The following FRY variants were observed in gnomAD, a reference collection of about 807,000 sequenced individuals.
FRY encodes the protein protein furry homolog.
A neutral mutation model predicts 348.4 loss-of-function variants in FRY; 128 were observed. The ratio of observed to expected loss-of-function variants is 0.37; its 90% CI spans 0.32 to 0.43. The LOEUF (loss-of-function observed/expected upper bound fraction) is 0.43. Ranked by LOEUF, FRY falls within the 20% of genes least tolerant of loss-of-function variation. The probability of loss-of-function intolerance (pLI) is 1.00; values close to 1 mark genes in which losing one functional copy is unlikely to be tolerated. For missense variants in FRY, 2,736 were observed against 3,695.2 expected (o/e 0.74, Z 6.73); for synonymous variants, 1,370 against 1,374.7 (o/e 1.00, Z 0.08).
chr13:32,129,241 CT>C (rs1190092821), intron 7 of FRY, among the ~76,000 whole-genome samples: 1 of 151,998 alleles, frequency 6.6e-6, no homozygotes, highest in Non-Finnish European at 1.5e-5. Context: ...AGTTAATTAC[CT>C]TTTTATAAGC....
chr13:32,250,430 C>T (rs1195121530), intron 49 of FRY, among the ~76,000 whole-genome samples: 7 of 152,216 alleles, frequency 4.6e-5, no homozygotes, highest in Non-Finnish European at 1.0e-4. Context: ...ACCTTCCCTT[C>T]CCAACATCTT....
chr13:32,213,908 A>G (rs1884826643), intron 35 of FRY, among the ~76,000 whole-genome samples: 1 of 152,222 alleles, frequency 6.6e-6, no homozygotes, highest in South Asian at 2.1e-4. Flanking sequence ...TTTCTTGTTT[A>G]GCTCTTACTC....
chr13:32,217,338 C>T (rs1885054568), intron 35 of FRY, among the ~76,000 whole-genome samples: 2 of 151,994 alleles, frequency 1.3e-5, no homozygotes, highest in Admixed American at 1.3e-4. Context: ...CCACACTGCC[C>T]CTGAACCACA....
intron 1 of FRY, among the ~76,000 whole-genome samples, chr13:32,034,051 T>C (rs972047066): frequency 3.3e-5 from 5 of 152,230 alleles, no homozygotes; most frequent in African/African-American, 1.2e-4. Flanking sequence ...TGCACCTGCA[T>C]GCACCTGCAC....
intron 54 of FRY, 78 bp from the exon 55 acceptor site, chr13:32,267,092 C>A: frequency 7.4e-7 from 1 of 1,349,048 alleles, no homozygotes; most frequent in Non-Finnish European, 1.1e-6. Flanking sequence ...TGCTGACTCT[C>A]AGGGTGAGAA....
chr13:32,293,037 G>C (rs543527491), intron 59 of FRY, among the ~76,000 whole-genome samples: 1 of 152,200 alleles, frequency 6.6e-6, no homozygotes, highest in South Asian at 2.1e-4. Flanking sequence ...TTTAGACTTA[G>C]TGTATTTAGA....
At chr13:32,065,522 TC>T (rs1874201324) in intron 1 of FRY, among the ~76,000 whole-genome samples, 1 of 152,114 alleles carries the variant, frequency 6.6e-6, no homozygotes, top group African/African-American at 2.4e-5. Flanking sequence ...CCTAGGCTGG[TC>T]TTGAACTCCT....
chr13:32,178,402 C>A lies in FRY; in HGVS notation c.2647C>A (p.Arg883=), dbSNP rs201133560. The A allele has an allele frequency of 6.2e-7, 1 of 1,614,128 alleles. No individual in the cohort carries two copies. Among genetic ancestry groups the A allele is most frequent in the Non-Finnish European group, 8.5e-7 (1 of 1,179,972 alleles). The change falls in exon 21 of 61, where the codon CGG becomes AGG. Residue 883 remains arginine (R), a synonymous_variant. Transcript: ENST00000542859. ...LSYAWPYAFT[R]LQSVMPLVDP... is the part of the protein sequence containing the mutation. ...CTATGCCTGGCCTTATGCCTTCACT[C>A]GGCTCCAGTCGGTGATGCCTCTGGT...
chr13:32,258,606 C>G (rs1323071477), intron 51 of FRY, among the ~76,000 whole-genome samples: 3 of 100,564 alleles, frequency 3.0e-5, no homozygotes, highest in African/African-American at 9.8e-5. Flanking sequence ...GAGCAAGACT[C>G]TGTCTCAAAA....
intron 48 of FRY, among the ~76,000 whole-genome samples, chr13:32,248,546 T>G (rs992706146): frequency 6.6e-5 from 10 of 151,566 alleles, no homozygotes; most frequent in Non-Finnish European, 1.3e-4. Flanking sequence ...AAAAAAGAAA[T>G]AAACCTGGTG....
intron 8 of FRY, among the ~76,000 whole-genome samples, chr13:32,134,383 A>C (rs1412091178): frequency 6.6e-6 from 1 of 152,224 alleles, no homozygotes; most frequent in Non-Finnish European, 1.5e-5. Context: ...TTATGAAACT[A>C]GGTGAATAAT....
intron 44 of FRY, among the ~76,000 whole-genome samples, chr13:32,238,434 TTTTTGTTTTGTTTTG>T (rs144806726): frequency 1.3e-5 from 2 of 150,690 alleles, no homozygotes; most frequent in African/African-American, 2.4e-5. Context: ...CATTTATGTC[TTTTTGTTTTGTTTTG>T]TTTTGTTTTG....
At chr13:32,049,488 G>T (rs570203209) in intron 1 of FRY, among the ~76,000 whole-genome samples, 1 of 152,300 alleles carries the variant, frequency 6.6e-6, no homozygotes, top group South Asian at 2.1e-4. Context: ...CGGCTGGAGT[G>T]CAGTGGCACG....
At chr13:32,274,703 CAAAAAAAAAAAA>C (rs397723164) in intron 55 of FRY, 127 bp from the exon 56 acceptor site, 6 of 306,742 alleles carry the variant, frequency 2.0e-5, no homozygotes, top group Non-Finnish European at 3.5e-5. Context: ...GATTCTGTCT[CAAAAAAAAAAAA>C]AAAAAAAAAA....
At chr13:32,243,554 C>A (rs1566162461) in intron 46 of FRY, among the ~76,000 whole-genome samples, 1 of 152,216 alleles carries the variant, frequency 6.6e-6, no homozygotes, top group African/African-American at 2.4e-5. Flanking sequence ...ATTTCTTTAT[C>A]TCCCCATCAA....
chr13:32,093,206 T>C (rs1415946788), intron 2 of FRY, among the ~76,000 whole-genome samples: 1 of 152,184 alleles, frequency 6.6e-6, no homozygotes, highest in Non-Finnish European at 1.5e-5. Context: ...TAAACAAAAC[T>C]GCAATACTAT....
chr13:32,187,743 A>T (rs889495082), intron 28 of FRY, 87 bp downstream of exon 28: 1 of 768,916 alleles, frequency 1.3e-6, no homozygotes, highest in Non-Finnish European at 2.4e-6. Flanking sequence ...CATTGTTCAC[A>T]ATACCTCTTC....
rs190732915 is a variant in FRY at position 32,054,887 on chromosome 13, A to G, written c.70+23022A>G. Among the ~76,000 whole-genome samples the G allele has an allele frequency of 1.3e-3, 199 of 152,286 alleles. 1 individual carries two copies. The highest frequency in any genetic ancestry group is 4.6e-3 in the African/African-American group (191 of 41,556). ...GAGACTCCGTCTCAAAAATACATAA[A>G]TAAATAAATAAAGAAAATAAAAGAT... On this transcript the variant is annotated intron_variant, in intron 1 of 60. Transcript: ENST00000542859.
At chr13:32,032,911 A>G (rs962158463) in intron 1 of FRY, among the ~76,000 whole-genome samples, 2 of 152,218 alleles carry the variant, frequency 1.3e-5, no homozygotes, top group Non-Finnish European at 2.9e-5. Context: ...TCTCCTACAC[A>G]AATGACCTGT....
Sources: allele counts gnomAD v4.1 joint callset (sites outside exome capture counted in the v4.1 genomes callset), GRCh38; gene constraint gnomAD v4.1.1; transcripts MANE v1.5; gene names NCBI Gene and HGNC (gene_info 2026-07-23, HGNC 2026-07-21).